Variants in PRR5 observed in about 807,000 individuals in gnomAD.
PRR5 encodes the protein proline rich 5, also known as proline-rich protein 5.
A neutral mutation model predicts 30.6 loss-of-function variants in PRR5; 25 were observed. The ratio of observed to expected loss-of-function variants is 0.82; its 90% CI spans 0.60 to 1.14. The LOEUF is 1.14. PRR5 is among the 50% of genes most tolerant of loss of function. The pLI is 0.00. For missense variants in PRR5, 600 were observed against 547.1 expected (o/e 1.10, Z -0.96); for synonymous variants, 286 against 247.1 (o/e 1.16, Z -1.48).
intron 2 of PRR5, among the ~76,000 whole-genome samples, chr22:44,722,383 T>C (rs1930076360): frequency 1.3e-5 from 2 of 152,172 alleles, no homozygotes; most frequent in Admixed American, 6.5e-5. Context: ...TGCAGGAACG[T>C]TAGTATTTTG....
In PRR5 at chr22:44,726,481, C is replaced by T; in HGVS notation, c.265-96C>T. On this transcript the variant is annotated intron_variant, in intron 3 of 7. Transcript: ENST00000336985. Reference sequence around the variant, plus strand: ...AGTCTCCTCCCCCTTTAAGCCTTGGCTGCTCACTGGTGGATGGACTCTCGG... The same window carrying T: ...AGTCTCCTCCCCCTTTAAGCCTTGGTTGCTCACTGGTGGATGGACTCTCGG... 2.5e-6 allele frequency: 4 copies of T among 1,572,958 alleles called. No individual in the cohort carries two copies. The South Asian group carries it at 4.5e-5, about 18-fold the overall frequency.
intron 1 of PRR5, among the ~76,000 whole-genome samples, chr22:44,690,642 C>G (rs1807522688): frequency 6.6e-6 from 1 of 152,234 alleles, no homozygotes; most frequent in African/African-American, 2.4e-5. Context: ...AGGTCGACAT[C>G]TATTAAGTGG....
intron 1 of PRR5, among the ~76,000 whole-genome samples, chr22:44,711,957 T>C (rs1928307051): frequency 1.3e-5 from 2 of 152,134 alleles, no homozygotes; most frequent in Non-Finnish European, 2.9e-5. Context: ...CCTAGCAGAC[T>C]TCCCTCGGGA....
intron 1 of PRR5, among the ~76,000 whole-genome samples, chr22:44,671,101 T>C (rs1923401114): frequency 6.6e-6 from 1 of 152,130 alleles, no homozygotes; most frequent in African/African-American, 2.4e-5. Context: ...GCTGTGTGAA[T>C]GTGGTGCTAT....
At position 44,731,681 on chromosome 22, in the gene PRR5, A is replaced by G. The variant is rs2147164731; in HGVS notation, c.323-49A>G. The stretch of plus-strand genomic sequence containing the variant: ...TGACCCATCCTGGGTGAGTGGAGGC[A>G]TCTGCCCGCGCCAGTCAGGCCCAGT... On this transcript the variant is annotated intron_variant, in intron 4 of 7. Coordinates refer to ENST00000336985, the MANE Select transcript of PRR5 (RefSeq NM_181333.4). 3 of 1,593,572 alleles carry G rather than the reference A, an allele frequency of 1.9e-6. 1 individual carries two copies. In the South Asian group the frequency reaches 3.3e-5, roughly 18 times the overall value.
Position 44,737,338 on chromosome 22 carries a change from C to T in PRR5, c.*91C>T, listed in dbSNP as rs944083466. On this transcript the variant is annotated 3_prime_UTR_variant, in exon 8 of 8. Transcript: ENST00000336985. Reference sequence around the variant, plus strand: ...GTGTGTGAGTGAGACTTTTTTACTGCGTCCCGTCCCGCCAGCCCTATCGGC... The same window carrying T: ...GTGTGTGAGTGAGACTTTTTTACTGTGTCCCGTCCCGCCAGCCCTATCGGC... 7.4e-6 allele frequency: 11 copies of T among 1,479,146 alleles called. No individual in the cohort carries two copies. The highest frequency in any genetic ancestry group is 2.4e-5 in the East Asian group (1 of 41,966). The allele number at this position is 1,479,146 out of a possible 1,614,324, so 91.6% of individuals were successfully genotyped here.
intron 1 of PRR5, among the ~76,000 whole-genome samples, chr22:44,708,709 G>A (rs1219913582): frequency 6.6e-6 from 1 of 152,154 alleles, no homozygotes; most frequent in African/African-American, 2.4e-5. Flanking sequence ...GCTCATGCCT[G>A]TAATCCCAGC....
chr22:44,688,599 A>G (rs1383425499), intron 1 of PRR5, among the ~76,000 whole-genome samples: 1 of 152,216 alleles, frequency 6.6e-6, no homozygotes, highest in East Asian at 1.9e-4. Context: ...GGCTTGATCC[A>G]TGAAGGCAGG....
chr22:44,687,608 C>G (rs1924865787), intron 1 of PRR5, among the ~76,000 whole-genome samples: 1 of 152,210 alleles, frequency 6.6e-6, no homozygotes, highest in South Asian at 2.1e-4. Context: ...AAGGTTGCAG[C>G]TCCTCAAGCC....
chr22:44,729,908 C>T (rs1352012970), intron 4 of PRR5: 12 of 985,378 alleles, frequency 1.2e-5, no homozygotes, highest in East Asian at 2.3e-4. Context: ...CCTGCCGCGG[C>T]GGAGGGGGAC....
At chr22:44,729,738 G>A (rs900280549) in intron 4 of PRR5, 45 of 985,466 alleles carry the variant, frequency 4.6e-5, no homozygotes, top group Admixed American at 6.1e-5. Context: ...TCTCGTCACC[G>A]TGTGGCTCCA....
rs141092907 is a variant in PRR5 at position 44,712,339 on chromosome 22, C to G, written c.135-2252C>G. Among the ~76,000 whole-genome samples the G allele has an allele frequency of 5.6e-3, 846 of 152,304 alleles. 9 individuals are homozygous for G. The highest frequency in any genetic ancestry group is 0.019 in the African/African-American group (803 of 41,564). Reference sequence around the variant, plus strand: ...AGCTGGATCTCAGCCTGTGGCCGGGCCAGGCCAAGCACCAGCTGTGGAACC... The same window carrying G: ...AGCTGGATCTCAGCCTGTGGCCGGGGCAGGCCAAGCACCAGCTGTGGAACC... On this transcript the variant is annotated intron_variant, in intron 1 of 7. Coordinates refer to ENST00000336985, the MANE Select transcript of PRR5 (RefSeq NM_181333.4).
At chr22:44,721,023 C>T (rs1001490145) in intron 2 of PRR5, among the ~76,000 whole-genome samples, 7 of 152,148 alleles carry the variant, frequency 4.6e-5, no homozygotes, top group Non-Finnish European at 8.8e-5. Context: ...CATTCACACC[C>T]GCACTCATCA....
intron 1 of PRR5, among the ~76,000 whole-genome samples, chr22:44,689,056 C>T (rs1195857149): frequency 2.0e-5 from 3 of 152,168 alleles, no homozygotes; most frequent in Admixed American, 6.5e-5. Context: ...CACTTTTTTA[C>T]AAGCTCGATC....
Position 44,702,285 on chromosome 22 carries a change from G to A in PRR5, c.-190G>A, listed in dbSNP as rs1926437173. 2.6e-6 allele frequency: 3 copies of A among 1,147,292 alleles called. No individual in the cohort carries two copies. The highest frequency in any genetic ancestry group is 1.6e-5 in the African/African-American group (1 of 61,030). The allele number at this position is 1,147,292 out of a possible 1,614,324, so 71.1% of individuals were successfully genotyped here. A position where few individuals can be genotyped will look rare whatever the true frequency, so the allele number is the denominator to read the frequency against. ...CTCTCCGTGCAATGATTAACCCGGCGGGGCGGCCGGCGCGGGACCCGAGAC... is the reference window on the plus strand; with the variant it reads ...CTCTCCGTGCAATGATTAACCCGGCAGGGCGGCCGGCGCGGGACCCGAGAC... On this transcript the variant is annotated 5_prime_UTR_variant, in exon 1 of 8. Transcript: ENST00000336985.
chr22:44,733,615 T>C (rs1165274813), intron 6 of PRR5, among the ~76,000 whole-genome samples: 1 of 152,134 alleles, frequency 6.6e-6, no homozygotes, highest in Non-Finnish European at 1.5e-5. Flanking sequence ...CTGTGTCAGC[T>C]TCAGCTTCCC....
intron 2 of PRR5, among the ~76,000 whole-genome samples, chr22:44,722,468 C>G (rs1930088401): frequency 6.6e-6 from 1 of 152,246 alleles, no homozygotes; most frequent in African/African-American, 2.4e-5. Flanking sequence ...AAGCAGGAGC[C>G]ACCTCCATCC....
At chr22:44,714,486 C>T (rs1411936102) in intron 1 of PRR5, 105 bp from the exon 2 acceptor site, 10 of 1,483,986 alleles carry the variant, frequency 6.7e-6, no homozygotes, top group Non-Finnish European at 9.2e-6. Context: ...GCAGGGATGG[C>T]TATCCTGCCC....
chr22:44,730,241 G>T (rs1449357167), intron 4 of PRR5: 1 of 985,082 alleles, frequency 1.0e-6, no homozygotes, highest in Admixed American at 6.1e-5. Context: ...AAACCTCAAA[G>T]CAGTTCTGGC....
Sources: allele counts gnomAD v4.1 joint callset (sites outside exome capture counted in the v4.1 genomes callset), GRCh38; gene constraint gnomAD v4.1.1; transcripts MANE v1.5; gene names NCBI Gene and HGNC (gene_info 2026-07-23, HGNC 2026-07-21).